IGF2BP2: variants seen among roughly 807,000 people sequenced by gnomAD.
IGF2BP2 encodes insulin-like growth factor 2 mRNA-binding protein 2.
In IGF2BP2, 17 loss-of-function variants were observed where a neutral mutation model predicts 75.8. The ratio of observed to expected loss-of-function variants is 0.22; its 90% CI spans 0.15 to 0.34. IGF2BP2 has a LOEUF of 0.34. Among genes scored for constraint, IGF2BP2 ranks in the 10% least tolerant of loss-of-function variants. The pLI is 1.00. For missense variants in IGF2BP2, 516 were observed against 772.4 expected, an observed-to-expected ratio of 0.67 and a Z score of 3.93; for synonymous variants, 288 against 295.6, an observed-to-expected ratio of 0.97 and a Z score of 0.26.
chr3:185,800,718 A>AGAAAGAAAGAAAGAAAGAAAG (rs1738103209), intron 2 of IGF2BP2, among the ~76,000 whole-genome samples: 1 of 143,290 alleles, frequency 7.0e-6, no homozygotes, highest in East Asian at 2.0e-4. Flanking sequence ...GAGCCAAAAA[A>AGAAAGAAAGAAAGAAAGAAAG]AAAGAAAGAA....
chr3:185,672,637 G>A lies in IGF2BP2; in HGVS notation c.1104C>T (p.Leu368=). Residue 368 remains leucine, a synonymous_variant, in exon 10 of 16, where the codon CTC becomes CTT. Transcript: ENST00000382199. The part of the protein sequence containing the change: ...QQANLIPGLN[L]SALGIFSTGL... Reference sequence around the variant, plus strand: ...CTGTTGAAAAGATGCCAAGTGCGCTGAGGTTCAACCCTGGGATCAGATTGG... The same window carrying A: ...CTGTTGAAAAGATGCCAAGTGCGCTAAGGTTCAACCCTGGGATCAGATTGG... 6.2e-7 allele frequency: 1 copy of A among 1,614,130 alleles called. No homozygotes were observed. Among genetic ancestry groups the A allele is most frequent in the Non-Finnish European group, 8.5e-7 (1 of 1,179,990 alleles).
Position 185,712,399 on chromosome 3 carries a change from AT to A in IGF2BP2, c.240-14053del, listed in dbSNP as rs755006205. ...TACAAATTTTAAATATATTCCCTAG[AT>A]TTTCTAACACCATAATTCTCCCCAC... On this transcript the variant is annotated intron_variant, in intron 2 of 15. Coordinates refer to ENST00000382199, the MANE Select transcript of IGF2BP2 (RefSeq NM_006548.6). 7.2e-4 allele frequency: 110 copies of A among 152,284 alleles called. 1 individual carries two copies. The highest frequency in any genetic ancestry group is 4.2e-3 in the Admixed American group (64 of 15,294). The allele number at this position is 152,284 out of a possible 1,614,324, so 9.4% of individuals were successfully genotyped here.
intron 2 of IGF2BP2, chr3:185,820,993 G>A: frequency 6.5e-7 from 1 of 1,534,650 alleles, no homozygotes. Flanking sequence ...AAAAGCTTTG[G>A]TTTCAAATGT....
chr3:185,647,393 C>A lies in IGF2BP2; in HGVS notation c.1594-255G>T, dbSNP rs949127174. Among the ~76,000 whole-genome samples the A allele has an allele frequency of 6.6e-6, 1 of 152,034 alleles. No homozygotes were observed. Among genetic ancestry groups the A allele is most frequent in the African/African-American group, 2.4e-5 (1 of 41,394 alleles). On this transcript the variant is annotated intron_variant, in intron 14 of 15. Transcript: ENST00000382199. This position sits in a 1 kb window ranked among gnomAD's most constrained non-coding sequence, Gnocchi z 4.9. ...CAGATTCCTGGGGCTGCTTCTGAGG[C>A]GAAGTTCTCTTATTCTGGAGTTCCC...
Position 185,824,776 on chromosome 3 carries a change from T to TTTCCA in IGF2BP2, c.178+6_178+7insTGGAA. ...GGCGGGGGGAGGGGGCCGCGCTGAG[T>TTTCCA]GCTCACCCGAGAGGGTCTCGATGGC... On this transcript the variant is annotated splice_region_variant and intron_variant, in intron 1 of 15. Coordinates refer to ENST00000382199, the MANE Select transcript of IGF2BP2 (RefSeq NM_006548.6). 7.4e-7 allele frequency: 1 copy of TTTCCA among 1,360,434 alleles called. No homozygotes were observed. Among genetic ancestry groups the TTTCCA allele is most frequent in the South Asian group, 1.8e-5 (1 of 56,726 alleles). The allele number at this position is 1,360,434 out of a possible 1,614,324, so 84.3% of individuals were successfully genotyped here. A position where few individuals can be genotyped will look rare whatever the true frequency, so the allele number is the denominator to read the frequency against.
intron 2 of IGF2BP2, among the ~76,000 whole-genome samples, chr3:185,725,287 C>G (rs150768684): frequency 1.8e-3 from 279 of 152,242 alleles, no homozygotes; most frequent in African/African-American, 6.5e-3. Context: ...TTTAAGGCAA[C>G]AGATGGCCAT....
chr3:185,788,896 G>C (rs138848915), intron 2 of IGF2BP2, among the ~76,000 whole-genome samples: 4 of 151,396 alleles, frequency 2.6e-5, no homozygotes, highest in Admixed American at 1.3e-4. Flanking sequence ...ATTTTTAGTA[G>C]AGACAGGGTG....
At chr3:185,726,416 C>CT (rs1261050053) in intron 2 of IGF2BP2, among the ~76,000 whole-genome samples, 1 of 152,138 alleles carries the variant, frequency 6.6e-6, no homozygotes, top group African/African-American at 2.4e-5. Flanking sequence ...TCCTGTGGGT[C>CT]TGGAAGCGGG....
chr3:185,706,424 A>G (rs1426288362), intron 2 of IGF2BP2, among the ~76,000 whole-genome samples: 3 of 152,170 alleles, frequency 2.0e-5, no homozygotes, highest in Non-Finnish European at 4.4e-5. Context: ...CAAAAATAAA[A>G]AAGAAGTGGA....
intron 2 of IGF2BP2, among the ~76,000 whole-genome samples, chr3:185,797,075 C>T (rs1737518450): frequency 6.6e-6 from 1 of 152,176 alleles, no homozygotes; most frequent in Non-Finnish European, 1.5e-5. Flanking sequence ...AGAACTATTT[C>T]TGCTTAGGTA....
intron 2 of IGF2BP2, chr3:185,728,988 G>A (rs576485385): frequency 6.6e-6 from 1 of 152,358 alleles, no homozygotes; most frequent in East Asian, 1.9e-4. Flanking sequence ...GAGGCTGCAT[G>A]AAGGCAGTGG....
chr3:185,738,842 A>T (rs1729174919), intron 2 of IGF2BP2, among the ~76,000 whole-genome samples: 1 of 152,210 alleles, frequency 6.6e-6, no homozygotes, highest in Admixed American at 6.5e-5. Flanking sequence ...TTTAAAACTT[A>T]GATTGTCAAG....
chr3:185,677,062 TATATATAGAGAGAG>T (rs1177562315), intron 7 of IGF2BP2, among the ~76,000 whole-genome samples: 100 of 50,336 alleles, frequency 2.0e-3, no homozygotes, highest in Non-Finnish European at 3.1e-3. Flanking sequence ...TATATATATA[TATATATAGAGAGAG>T]AGAGAGAGAG....
In IGF2BP2 at chr3:185,672,660, T is replaced by C. The variant is rs374623235; in HGVS notation, c.1081A>G (p.Asn361Asp). 1 of 1,613,978 alleles carries C rather than the reference T, an allele frequency of 6.2e-7. No homozygotes were observed. The highest frequency in any genetic ancestry group is 1.3e-5 in the African/African-American group (1 of 74,904). Residue 361 changes from asparagine (N) to aspartate (D), a missense_variant, in exon 10 of 16, where the codon AAT becomes GAT. Around this residue, in one of 3 missense-constraint regions of IGF2BP2, gnomAD observed 312 missense variants for 474.5 expected, o/e 0.66. Transcript: ENST00000382199. Reference sequence around the variant, plus strand: ...CTGAGGTTCAACCCTGGGATCAGATTGGCTTGTTGCTGGGAATAGAAATGG... The same window carrying C: ...CTGAGGTTCAACCCTGGGATCAGATCGGCTTGTTGCTGGGAATAGAAATGG... ...NDMLAVNQQANLIPGLNLSAL... is the reference protein window; with the variant it reads ...NDMLAVNQQADLIPGLNLSAL...
intron 2 of IGF2BP2, among the ~76,000 whole-genome samples, chr3:185,811,539 A>G (rs1470581): frequency 0.35 from 53,687 of 151,986 alleles, 11,377 homozygotes; most frequent in African/African-American, 0.61. Context: ...TATTTAACAT[A>G]AGAACTCTGA....
At position 185,676,063 on chromosome 3, in the gene IGF2BP2, G is replaced by A. The variant is rs1352875019; in HGVS notation, c.813-150C>T. On this transcript the variant is annotated intron_variant, in intron 7 of 15. Coordinates refer to ENST00000382199, the MANE Select transcript of IGF2BP2 (RefSeq NM_006548.6). ...TTTGGGAGAGGTCAGGTCCCTCACC[G>A]ACCCCAGTTCATGAATTTTGATTAA... 27 of 921,672 alleles carry A rather than the reference G, an allele frequency of 2.9e-5. 1 individual carries two copies. The Middle Eastern group carries it at 1.0e-3, about 35-fold the overall frequency. 57.1% of individuals were successfully genotyped at this position (921,672 alleles called of 1,614,324 possible).
At position 185,644,280 on chromosome 3, in the gene IGF2BP2, G is replaced by A. The variant is rs1420414700; in HGVS notation, c.*1251C>T. 6.6e-6 allele frequency: 1 copy of A among 152,360 alleles called. No homozygotes were observed. The highest frequency in any genetic ancestry group is 2.4e-5 in the African/African-American group (1 of 41,382). 9.4% of individuals were successfully genotyped at this position (152,360 alleles called of 1,614,324 possible). A position where few individuals can be genotyped will look rare whatever the true frequency, so the allele number is the denominator to read the frequency against. The stretch of plus-strand genomic sequence containing the variant: ...AAAATCTGTGAATTTAACGCCCTGG[G>A]CCAACAACCTTGGTAAATTTCTACT... On this transcript the variant is annotated 3_prime_UTR_variant, in exon 16 of 16. Transcript: ENST00000382199.
In IGF2BP2 at chr3:185,784,826, C is replaced by G. The variant is rs557551194; in HGVS notation, c.239+38327G>C. On this transcript the variant is annotated intron_variant, in intron 2 of 15. Transcript: ENST00000382199. ...GTCCCAGAAGCTCATTCACTAACCA[C>G]CTACTATGTGCAAGGCAATGGGGAT... Among the ~76,000 whole-genome samples, 4 of 152,316 alleles carry G rather than the reference C, an allele frequency of 2.6e-5. No individual in the cohort carries two copies. The South Asian group carries it at 8.3e-4, about 32-fold the overall frequency.
At chr3:185,650,373 C>T (rs1371314995) in intron 13 of IGF2BP2, among the ~76,000 whole-genome samples, 3 of 151,486 alleles carry the variant, frequency 2.0e-5, no homozygotes, top group Non-Finnish European at 4.4e-5. Context: ...CTGAGAGTCA[C>T]CGTTTTAAAG....
Sources: allele counts gnomAD v4.1 joint callset (sites outside exome capture counted in the v4.1 genomes callset), GRCh38; gene constraint gnomAD v4.1.1; regional missense constraint gnomAD v4.1.1; non-coding constraint Gnocchi (gnomAD v3.1); transcripts MANE v1.5; gene names NCBI Gene and HGNC (gene_info 2026-07-23, HGNC 2026-07-21).